The following MGAT4C variants were observed in gnomAD, a reference collection of about 807,000 sequenced individuals.
The protein encoded by MGAT4C is alpha-1,3-mannosyl-glycoprotein 4-beta-N-acetylglucosaminyltransferase C.
A neutral mutation model predicts 40.1 loss-of-function variants in MGAT4C; 19 were observed. That is an observed-to-expected ratio of 0.47 (90% CI 0.33 to 0.70). MGAT4C has a LOEUF of 0.70. Among genes scored for constraint, MGAT4C ranks in the 30% least tolerant of loss-of-function variants. MGAT4C has a pLI of 0.02. For missense variants in MGAT4C, 491 were observed against 563.2 expected (o/e 0.87, Z 1.30); for synonymous variants, 181 against 187.1 (o/e 0.97, Z 0.27).
At chr12:86,493,660 C>T (rs141468638) in intron 2 of MGAT4C, among the ~76,000 whole-genome samples, 1,879 of 102,304 alleles carry the variant, frequency 0.018, 35 homozygotes, top group African/African-American at 0.066. Flanking sequence ...GGTGGGGGGA[C>T]GGGGGAGGGA....
intron 3 of MGAT4C, among the ~76,000 whole-genome samples, chr12:86,363,972 TCA>T (rs58352727): frequency 0.72 from 106,347 of 148,588 alleles, 37,988 homozygotes; most frequent in East Asian, 0.9. Context: ...TCTCTCTCTC[TCA>T]CACACACACA....
intron 1 of MGAT4C, among the ~76,000 whole-genome samples, chr12:86,779,542 C>G (rs1319349146): frequency 6.6e-6 from 1 of 151,902 alleles, no homozygotes; most frequent in East Asian, 1.9e-4. Flanking sequence ...TTTGAGGCTG[C>G]AGTGAGCCAT....
At chr12:86,670,364 A>G (rs987938229) in intron 2 of MGAT4C, among the ~76,000 whole-genome samples, 1 of 152,162 alleles carries the variant, frequency 6.6e-6, no homozygotes, top group East Asian at 1.9e-4. Flanking sequence ...GAAGAAATCA[A>G]TCAGAACTTC....
chr12:86,221,898 T>C (rs183238216), intron 1 of MGAT4C, among the ~76,000 whole-genome samples: 39 of 152,354 alleles, frequency 2.6e-4, no homozygotes, highest in African/African-American at 9.4e-4. Flanking sequence ...TAAGGCTTTG[T>C]TTTCTTTAAC....
chr12:86,091,110 C>A (rs944012230), intron 1 of MGAT4C, among the ~76,000 whole-genome samples: 4 of 151,820 alleles, frequency 2.6e-5, no homozygotes, highest in Non-Finnish European at 4.4e-5. Flanking sequence ...TTGAACTGCC[C>A]ACACAAGAAA....
At chr12:86,492,110 A>G (rs1224618368) in intron 2 of MGAT4C, among the ~76,000 whole-genome samples, 1 of 152,314 alleles carries the variant, frequency 6.6e-6, no homozygotes, top group South Asian at 2.1e-4. Flanking sequence ...GACCTCTTCA[A>G]GGAGAACTAC....
intron 2 of MGAT4C, among the ~76,000 whole-genome samples, chr12:86,006,210 C>A (rs1887857412): frequency 6.6e-6 from 1 of 152,148 alleles, no homozygotes; most frequent in African/African-American, 2.4e-5. Flanking sequence ...ATTCAACCTG[C>A]AAACCCAGAA....
intron 1 of MGAT4C, among the ~76,000 whole-genome samples, chr12:86,127,764 A>G (rs1041468711): frequency 2.0e-5 from 3 of 152,176 alleles, no homozygotes; most frequent in Non-Finnish European, 4.4e-5. Context: ...AGTATGAAAC[A>G]GGGTCAGGAT....
chr12:86,131,729 AT>A, intron 1 of MGAT4C, among the ~76,000 whole-genome samples: 1 of 77,038 alleles, frequency 1.3e-5, no homozygotes. Flanking sequence ...TAAGGAGGTG[AT>A]TTATAAAAAC....
At chr12:86,230,073 G>T (rs1275875018) in intron 1 of MGAT4C, among the ~76,000 whole-genome samples, 1 of 151,936 alleles carries the variant, frequency 6.6e-6, no homozygotes, top group African/African-American at 2.4e-5. Context: ...AAAAGGCAAG[G>T]ATTCAGTTGG....
chr12:86,635,572 G>A (rs576352342), intron 2 of MGAT4C, among the ~76,000 whole-genome samples: 3 of 151,968 alleles, frequency 2.0e-5, no homozygotes, highest in Non-Finnish European at 4.4e-5. Flanking sequence ...ACATAATTAT[G>A]TTTCAGTAAA....
chr12:86,421,119 T>G (rs1438017324), intron 3 of MGAT4C, among the ~76,000 whole-genome samples: 1 of 152,090 alleles, frequency 6.6e-6, no homozygotes, highest in African/African-American at 2.4e-5. Flanking sequence ...AATATACACC[T>G]TTAAACTTGG....
intron 2 of MGAT4C, among the ~76,000 whole-genome samples, chr12:86,453,328 A>C (rs1957458166): frequency 6.6e-6 from 1 of 152,166 alleles, no homozygotes; most frequent in Non-Finnish European, 1.5e-5. Flanking sequence ...TACCAAGAAG[A>C]GAGTTACAGT....
intron 1 of MGAT4C, among the ~76,000 whole-genome samples, chr12:86,229,250 C>T (rs901692695): frequency 3.3e-5 from 5 of 151,790 alleles, no homozygotes; most frequent in Non-Finnish European, 7.4e-5. Context: ...TGCTTAATGT[C>T]TTAAAACATT....
intron 2 of MGAT4C, among the ~76,000 whole-genome samples, chr12:86,578,279 G>A: frequency 6.6e-6 from 1 of 151,792 alleles, no homozygotes; most frequent in East Asian, 1.9e-4. Context: ...AGGACATGTG[G>A]TGACATCAGA....
At chr12:86,770,544 T>C in intron 1 of MGAT4C, among the ~76,000 whole-genome samples, 1 of 152,046 alleles carries the variant, frequency 6.6e-6, no homozygotes, top group Admixed American at 6.6e-5. Flanking sequence ...AGAAGTAGAA[T>C]TGCAGAAGGA....
intron 2 of MGAT4C, among the ~76,000 whole-genome samples, chr12:86,020,877 A>C (rs1396554696): frequency 6.6e-6 from 1 of 152,240 alleles, no homozygotes; most frequent in African/African-American, 2.4e-5. Context: ...CAATGAACTC[A>C]AACAAATTCA....
chr12:86,060,950 C>A (rs762334080), intron 1 of MGAT4C, among the ~76,000 whole-genome samples: 1 of 152,066 alleles, frequency 6.6e-6, no homozygotes, highest in Non-Finnish European at 1.5e-5. Flanking sequence ...GGAAATCCTG[C>A]GCCCATCATT....
chr12:86,323,112 A>C (rs1954435911), intron 4 of MGAT4C, among the ~76,000 whole-genome samples: 3 of 151,468 alleles, frequency 2.0e-5, no homozygotes, highest in African/African-American at 7.3e-5. Flanking sequence ...CAAAGCCCAC[A>C]GAAATATTTT....
Sources: gnomAD v4.1 joint callset for allele counts (sites outside exome capture counted in the v4.1 genomes callset) on GRCh38, gnomAD v4.1.1 for gene constraint, MANE v1.5 for transcripts, NCBI Gene and HGNC (gene_info 2026-07-23, HGNC 2026-07-21) for gene names.